Variants in GRIA2 observed in about 807,000 individuals in gnomAD.
The protein encoded by GRIA2 is glutamate receptor 2.
A neutral mutation model predicts 97.3 loss-of-function variants in GRIA2; 14 were observed. The ratio of observed to expected loss-of-function variants is 0.14; its 90% CI spans 0.10 to 0.23. GRIA2 has a LOEUF of 0.23. Ranked by LOEUF, GRIA2 falls within the 10% of genes least tolerant of loss-of-function variation. The pLI is 1.00. For synonymous variants in GRIA2, 412 were observed against 387.8 expected, an observed-to-expected ratio of 1.06 and a Z score of -0.73; for missense variants, 558 against 1,069.8, an observed-to-expected ratio of 0.52 and a Z score of 6.67.
chr4:157,336,373 A>G lies in GRIA2; in HGVS notation c.1474-4A>G, dbSNP rs1735290374. 2 of 1,529,132 alleles carry G rather than the reference A, an allele frequency of 1.3e-6. No individual in the cohort carries two copies. The highest frequency in any genetic ancestry group is 2.6e-5 in the South Asian group (2 of 76,408). The allele number at this position is 1,529,132 out of a possible 1,614,324, so 94.7% of individuals were successfully genotyped here. On this transcript the variant is annotated splice_region_variant and splice_polypyrimidine_tract_variant and intron_variant, in intron 10 of 15. Transcript: ENST00000264426. ...ACTATTACTTTCCTTTTTTTCCCTT[A>G]CAGAAAGCTGATATTGCAATTGCTC...
chr4:157,263,714 A>G (rs1167689042), intron 2 of GRIA2, among the ~76,000 whole-genome samples: 4 of 151,732 alleles, frequency 2.6e-5, no homozygotes, highest in Non-Finnish European at 4.4e-5. Flanking sequence ...AGCTGTTTAA[A>G]AAATATCTAC....
chr4:157,339,545 T>C (rs1735456953), intron 11 of GRIA2, among the ~76,000 whole-genome samples: 1 of 151,974 alleles, frequency 6.6e-6, no homozygotes, highest in Admixed American at 6.6e-5. Flanking sequence ...ATGTACATTT[T>C]AAATCAGTTG....
intron 4 of GRIA2, among the ~76,000 whole-genome samples, chr4:157,313,859 G>A (rs1734196801): frequency 6.6e-6 from 1 of 151,996 alleles, no homozygotes; most frequent in Non-Finnish European, 1.5e-5. Flanking sequence ...ATAACACACA[G>A]TCAATTAACA....
intron 3 of GRIA2, among the ~76,000 whole-genome samples, chr4:157,306,062 G>A (rs1339185761): frequency 2.6e-5 from 4 of 152,140 alleles, no homozygotes; most frequent in Non-Finnish European, 5.9e-5. Flanking sequence ...TAAGTTCAAG[G>A]TGATTTTATA....
At chr4:157,221,832 T>A (rs1729509278) in intron 2 of GRIA2, 25 bp downstream of exon 2, 1 of 1,609,524 alleles carries the variant, frequency 6.2e-7, no homozygotes, top group African/African-American at 1.3e-5. Flanking sequence ...TTCATGCCTT[T>A]CGGGTGCTGC....
At chr4:157,240,685 C>A (rs917301326) in intron 2 of GRIA2, among the ~76,000 whole-genome samples, 45 of 151,696 alleles carry the variant, frequency 3.0e-4, no homozygotes, top group African/African-American at 1.1e-3. Flanking sequence ...CTCTAGAGCA[C>A]CTCCTTAAGT....
In GRIA2 at chr4:157,331,849, T is replaced by C. The variant is rs530033810; in HGVS notation, c.883-970T>C. On this transcript the variant is annotated intron_variant, in intron 6 of 15. Coordinates refer to ENST00000264426, the MANE Select transcript of GRIA2 (RefSeq NM_001083619.3). The stretch of plus-strand genomic sequence containing the variant: ...TGAAAGACCTGAAATACTAAGGAAC[T>C]GAGTAGAATTATTTGGGAATGCTGA... Among the ~76,000 whole-genome samples the C allele has an allele frequency of 2.0e-5, 3 of 152,116 alleles. No homozygotes were observed. In the South Asian group the frequency reaches 6.2e-4, roughly 32 times the overall value.
At chr4:157,281,689 CA>C (rs11361246) in intron 2 of GRIA2, among the ~76,000 whole-genome samples, 49,129 of 151,754 alleles carry the variant, frequency 0.32, 8,375 homozygotes, top group African/African-American at 0.42. Context: ...TCTCCTTAGG[CA>C]AAGCCTCACA....
At chr4:157,253,220 C>T in intron 2 of GRIA2, among the ~76,000 whole-genome samples, 1 of 151,672 alleles carries the variant, frequency 6.6e-6, no homozygotes, top group East Asian at 1.9e-4. Context: ...GGGCTCAAGC[C>T]ATCCTCCCAC....
At chr4:157,304,044 A>C (rs1223701119) in intron 3 of GRIA2, among the ~76,000 whole-genome samples, 2 of 152,204 alleles carry the variant, frequency 1.3e-5, no homozygotes, top group Admixed American at 1.3e-4. Context: ...CCAAATATTC[A>C]GTTGTAATAT....
Position 157,220,773 on chromosome 4 carries a change from T to A in GRIA2, c.-270T>A. The A allele has an allele frequency of 3.8e-6, 2 of 522,826 alleles. No homozygotes were observed. The highest frequency in any genetic ancestry group is 6.9e-6 in the Non-Finnish European group (2 of 289,904). The allele number at this position is 522,826 out of a possible 1,614,324, so 32.4% of individuals were successfully genotyped here. A position where few individuals can be genotyped will look rare whatever the true frequency, so the allele number is the denominator to read the frequency against. On this transcript the variant is annotated 5_prime_UTR_variant, in exon 1 of 16. Coordinates refer to ENST00000264426, the MANE Select transcript of GRIA2 (RefSeq NM_001083619.3). Reference sequence around the variant, plus strand: ...GAGGGTGCTGAATATTCCGAGACACTGGGACCACAGCGGCAGCTCCGCTGA... The same window carrying A: ...GAGGGTGCTGAATATTCCGAGACACAGGGACCACAGCGGCAGCTCCGCTGA...
chr4:157,340,085 T>C (rs1164809535), intron 11 of GRIA2, among the ~76,000 whole-genome samples: 1 of 151,898 alleles, frequency 6.6e-6, no homozygotes, highest in African/African-American at 2.4e-5. Context: ...TTCTCTCCTT[T>C]CTTAACTGCT....
intron 4 of GRIA2, among the ~76,000 whole-genome samples, chr4:157,313,151 T>C (rs1254139602): frequency 2.0e-5 from 3 of 152,146 alleles, no homozygotes; most frequent in Non-Finnish European, 4.4e-5. Context: ...CCCTAAACTT[T>C]GATATTTTCA....
At chr4:157,266,381 G>T (rs920635017) in intron 2 of GRIA2, among the ~76,000 whole-genome samples, 1 of 152,102 alleles carries the variant, frequency 6.6e-6, no homozygotes, top group Non-Finnish European at 1.5e-5. Context: ...ATGGTCAACA[G>T]AGTAGGTGAA....
chr4:157,264,562 T>C, intron 2 of GRIA2, among the ~76,000 whole-genome samples: 1 of 152,118 alleles, frequency 6.6e-6, no homozygotes, highest in East Asian at 1.9e-4. Context: ...TAGCTTTAAT[T>C]CTAACTGCAA....
chr4:157,245,730 A>G (rs1221325282), intron 2 of GRIA2, among the ~76,000 whole-genome samples: 2 of 152,104 alleles, frequency 1.3e-5, no homozygotes, highest in Admixed American at 6.6e-5. Context: ...AATCTTTATC[A>G]CAAAATAACT....
chr4:157,350,007 C>G (rs1735938248), intron 12 of GRIA2, among the ~76,000 whole-genome samples: 1 of 152,026 alleles, frequency 6.6e-6, no homozygotes, highest in African/African-American at 2.4e-5. Context: ...GTTAATCATC[C>G]AAACAATTCT....
chr4:157,338,008 GTATATATATA>G (rs70958818), intron 11 of GRIA2, among the ~76,000 whole-genome samples: 1,240 of 79,300 alleles, frequency 0.016, 14 homozygotes, highest in South Asian at 0.034. Flanking sequence ...ATATATATGT[GTATATATATA>G]TATATATATA....
chr4:157,355,634 A>ATATATATTTATT (rs1268216858), intron 12 of GRIA2, among the ~76,000 whole-genome samples: 1 of 135,186 alleles, frequency 7.4e-6, no homozygotes, highest in Non-Finnish European at 1.5e-5. Flanking sequence ...ATATTTATTT[A>ATATATATTTATT]TATATATTTA....
Sources: gnomAD v4.1 joint callset for allele counts (sites outside exome capture counted in the v4.1 genomes callset) on GRCh38, gnomAD v4.1.1 for gene constraint, MANE v1.5 for transcripts, NCBI Gene and HGNC (gene_info 2026-07-23, HGNC 2026-07-21) for gene names.